ANKS1B: variants seen among roughly 807,000 people sequenced by gnomAD.
The protein encoded by ANKS1B is ankyrin repeat and sterile alpha motif domain containing 1B.
ANKS1B carries 36 observed loss-of-function variants against 148.3 expected under a neutral mutation model. That is an observed-to-expected ratio of 0.24 (90% CI 0.19 to 0.32). The LOEUF (loss-of-function observed/expected upper bound fraction) is 0.32. Ranked by LOEUF, ANKS1B falls within the 10% of genes least tolerant of loss-of-function variation. ANKS1B has a pLI of 1.00. For missense variants in ANKS1B, 1,157 were observed against 1,542.6 expected (o/e 0.75, Z 4.19); for synonymous variants, 542 against 560.8 (o/e 0.97, Z 0.47).
chr12:99,679,499 A>G (rs999336530), intron 8 of ANKS1B, among the ~76,000 whole-genome samples: 3 of 152,032 alleles, frequency 2.0e-5, no homozygotes, highest in African/African-American at 7.2e-5. Context: ...TTGTAGAAAT[A>G]GGGTTTCACT....
chr12:99,246,979 GC>G, intron 12 of ANKS1B, 115 bp from the exon 13 acceptor site: 1 of 789,952 alleles, frequency 1.3e-6, no homozygotes, highest in Middle Eastern at 3.8e-4. Context: ...CTGCTACATA[GC>G]AATACCTTCA....
chr12:99,404,243 G>A (rs1226713627), intron 11 of ANKS1B, among the ~76,000 whole-genome samples: 1 of 145,586 alleles, frequency 6.9e-6, no homozygotes, highest in African/African-American at 2.6e-5. Context: ...ATGCCTGGGT[G>A]ACAAAATAAT....
intron 17 of ANKS1B, among the ~76,000 whole-genome samples, chr12:99,005,902 T>A (rs1036500125): frequency 6.6e-6 from 1 of 152,186 alleles, no homozygotes; most frequent in Non-Finnish European, 1.5e-5. Flanking sequence ...AGGGTTGGCA[T>A]AGCAACTCTT....
At chr12:99,932,800 G>C (rs1459369359) in intron 1 of ANKS1B, among the ~76,000 whole-genome samples, 1 of 151,964 alleles carries the variant, frequency 6.6e-6, no homozygotes, top group Non-Finnish European at 1.5e-5. Context: ...TGTTTGCTTT[G>C]GTTGCCTGTG....
At chr12:98,899,604 G>A (rs56722173) in intron 17 of ANKS1B, among the ~76,000 whole-genome samples, 5 of 152,266 alleles carry the variant, frequency 3.3e-5, no homozygotes, top group African/African-American at 1.2e-4. Flanking sequence ...TCATCCACAA[G>A]AGTTTTCACC....
At chr12:98,800,725 T>C (rs1360575743) in intron 21 of ANKS1B, among the ~76,000 whole-genome samples, 1 of 149,410 alleles carries the variant, frequency 6.7e-6, no homozygotes, top group Non-Finnish European at 1.5e-5. Flanking sequence ...TTTAAGATTG[T>C]ACGTTATAAC....
At chr12:98,759,054 T>A (rs557779744) in intron 25 of ANKS1B, among the ~76,000 whole-genome samples, 1 of 151,948 alleles carries the variant, frequency 6.6e-6, no homozygotes, top group Non-Finnish European at 1.5e-5. Flanking sequence ...GTGCTAGAAT[T>A]ATAGGCATGA....
At chr12:99,775,796 A>G in intron 6 of ANKS1B, 135 bp from the exon 7 acceptor site, 1 of 472,362 alleles carries the variant, frequency 2.1e-6, no homozygotes, top group Admixed American at 3.5e-5. Context: ...TTTTCAAAAG[A>G]ACTTCAAAAA....
chr12:99,237,890 T>G (rs1290996491), intron 14 of ANKS1B, among the ~76,000 whole-genome samples: 1 of 152,352 alleles, frequency 6.6e-6, no homozygotes, highest in East Asian at 1.9e-4. Flanking sequence ...TACCTGGGAC[T>G]ACAGGCACAT....
At chr12:99,664,371 A>G (rs1343554578) in intron 8 of ANKS1B, among the ~76,000 whole-genome samples, 1 of 152,086 alleles carries the variant, frequency 6.6e-6, no homozygotes, top group African/African-American at 2.4e-5. Flanking sequence ...TCTTTAATAG[A>G]ATTTTTATTT....
chr12:99,239,730 A>T (rs2088854532), intron 14 of ANKS1B, among the ~76,000 whole-genome samples: 1 of 152,230 alleles, frequency 6.6e-6, no homozygotes, highest in Non-Finnish European at 1.5e-5. Flanking sequence ...TGGCAGAAAC[A>T]TTACAAGCAA....
chr12:98,899,452 A>G (rs2099769119), intron 17 of ANKS1B, among the ~76,000 whole-genome samples: 1 of 152,196 alleles, frequency 6.6e-6, no homozygotes. Flanking sequence ...CTGTGAAGGT[A>G]TTTTGTAGAT....
At chr12:99,389,568 C>A (rs1202259937) in intron 12 of ANKS1B, among the ~76,000 whole-genome samples, 1 of 152,062 alleles carries the variant, frequency 6.6e-6, no homozygotes, top group African/African-American at 2.4e-5. Context: ...ACAAATATAA[C>A]TAATACGCAG....
intron 1 of ANKS1B, among the ~76,000 whole-genome samples, chr12:99,925,380 A>T (rs1345040213): frequency 6.6e-6 from 1 of 152,208 alleles, no homozygotes; most frequent in Non-Finnish European, 1.5e-5. Flanking sequence ...GGCATACCAG[A>T]AGATAAAAGG....
intron 16 of ANKS1B, among the ~76,000 whole-genome samples, chr12:99,055,743 G>T (rs1408214788): frequency 6.6e-6 from 1 of 151,640 alleles, no homozygotes; most frequent in African/African-American, 2.4e-5. Context: ...AGGTGGTGAG[G>T]AAAATAAAAC....
intron 1 of ANKS1B, among the ~76,000 whole-genome samples, chr12:99,884,057 T>C (rs2092695176): frequency 6.6e-6 from 1 of 152,118 alleles, no homozygotes; most frequent in East Asian, 1.9e-4. Context: ...GATACATAGA[T>C]ACTAGGTTGG....
intron 14 of ANKS1B, among the ~76,000 whole-genome samples, chr12:99,227,716 T>TA (rs1038615242): frequency 2.0e-5 from 3 of 152,098 alleles, no homozygotes; most frequent in Non-Finnish European, 4.4e-5. Context: ...GCAAGCTAAG[T>TA]ATAATAAGAG....
At chr12:99,558,138 T>C (rs1445312106) in intron 9 of ANKS1B, among the ~76,000 whole-genome samples, 1 of 152,214 alleles carries the variant, frequency 6.6e-6, no homozygotes, top group Non-Finnish European at 1.5e-5. Flanking sequence ...CACTCATTCA[T>C]GCCAGCAGTG....
intron 8 of ANKS1B, among the ~76,000 whole-genome samples, chr12:99,692,382 G>C (rs1347387900): frequency 6.6e-6 from 1 of 152,042 alleles, no homozygotes; most frequent in African/African-American, 2.4e-5. Flanking sequence ...GTAAGAAAAA[G>C]AGATGAGGCC....
Sources: allele counts gnomAD v4.1 joint callset (sites outside exome capture counted in the v4.1 genomes callset), GRCh38; gene constraint gnomAD v4.1.1; transcripts MANE v1.5; gene names NCBI Gene and HGNC (gene_info 2026-07-23, HGNC 2026-07-21).